Variants in MYO16 observed in about 807,000 individuals in gnomAD.
MYO16 encodes unconventional myosin-XVI.
A neutral mutation model predicts 205.3 loss-of-function variants in MYO16; 94 were observed. The observed-to-expected ratio is 0.46, with a 90% confidence interval of 0.39 to 0.54. The LOEUF (loss-of-function observed/expected upper bound fraction) is 0.54, where lower values mean the gene tolerates loss of function less well. Among genes scored for constraint, MYO16 ranks in the 20% least tolerant of loss-of-function variants. The probability of loss-of-function intolerance (pLI) is 0.00; values close to 1 mark genes in which losing one functional copy is unlikely to be tolerated. For synonymous variants in MYO16, 988 were observed against 954.0 expected (o/e 1.04, Z -0.66); for missense variants, 2,315 against 2,387.5 (o/e 0.97, Z 0.63).
At chr13:108,526,522 G>A in the MYO16 span, among the ~76,000 whole-genome samples, 130 of 152,196 alleles carry the variant, frequency 8.5e-4, no homozygotes, top group African/African-American at 3.0e-3. Flanking sequence ...GTTTAAGCGC[G>A]TTGAAATAGA....
At chr13:108,980,251 C>A (rs1216912896) in intron 20 of MYO16, among the ~76,000 whole-genome samples, 1 of 152,132 alleles carries the variant, frequency 6.6e-6, no homozygotes, top group Non-Finnish European at 1.5e-5. Context: ...TTTTGTTTTG[C>A]TAGCTCTTTC....
chr13:108,559,041 T>A, the MYO16 span, among the ~76,000 whole-genome samples: 2 of 151,996 alleles, frequency 1.3e-5, no homozygotes, highest in Non-Finnish European at 2.9e-5. Context: ...TGTAATGGGT[T>A]GAATTGTGTC....
At chr13:109,155,904 G>A (rs1877991898) in intron 32 of MYO16, among the ~76,000 whole-genome samples, 1 of 152,078 alleles carries the variant, frequency 6.6e-6, no homozygotes, top group African/African-American at 2.4e-5. Context: ...GTCTTTCTGA[G>A]AGGCAATAAC....
chr13:109,085,532 T>A (rs1172902229), intron 27 of MYO16, among the ~76,000 whole-genome samples: 2 of 152,150 alleles, frequency 1.3e-5, no homozygotes, highest in Non-Finnish European at 2.9e-5. Context: ...GAGGTCTCCT[T>A]GGGAGATCGA....
At chr13:108,923,362 TCA>T (rs1881834210) in intron 16 of MYO16, among the ~76,000 whole-genome samples, 1 of 152,232 alleles carries the variant, frequency 6.6e-6, no homozygotes, top group African/African-American at 2.4e-5. Context: ...GCAGTACAGC[TCA>T]GTCATTGCTT....
Position 108,953,539 on chromosome 13 carries a change from G to A in MYO16, c.1926-4149G>A, listed in dbSNP as rs7989070. 6.5e-3 allele frequency among the ~76,000 whole-genome samples: 973 copies of A among 149,868 alleles called. 8 individuals are homozygous for A. Among genetic ancestry groups the A allele is most frequent in the South Asian group, 0.017 (81 of 4,742 alleles). On this transcript the variant is annotated intron_variant, in intron 16 of 34. Transcript: ENST00000457511. ...TAATATATTTTTACTCTGTTTTACC[G>A]ATAATAAAGATTTAAATGTTTTGAG...
intron 15 of MYO16, among the ~76,000 whole-genome samples, chr13:108,899,589 C>T (rs1469829406): frequency 6.6e-6 from 1 of 152,186 alleles, no homozygotes; most frequent in African/African-American, 2.4e-5. Context: ...CATCGGAGAA[C>T]TGTCGTGAGC....
At chr13:108,701,257 T>C (rs1312272927) in intron 2 of MYO16, among the ~76,000 whole-genome samples, 1 of 152,118 alleles carries the variant, frequency 6.6e-6, no homozygotes, top group Non-Finnish European at 1.5e-5. Flanking sequence ...TCATCATGTT[T>C]AGTGCTATGT....
intron 7 of MYO16, among the ~76,000 whole-genome samples, chr13:108,807,724 T>C (rs1201040857): frequency 2.0e-5 from 3 of 152,190 alleles, no homozygotes; most frequent in Non-Finnish European, 2.9e-5. Context: ...CCAGTTCTTT[T>C]TGAGTTGCTT....
intron 32 of MYO16, among the ~76,000 whole-genome samples, chr13:109,157,005 C>T (rs1322979927): frequency 6.6e-6 from 1 of 152,128 alleles, no homozygotes; most frequent in Non-Finnish European, 1.5e-5. Flanking sequence ...TCAAAGTCAA[C>T]AAGTACAACC....
chr13:108,510,067 A>G, the MYO16 span, among the ~76,000 whole-genome samples: 1 of 152,210 alleles, frequency 6.6e-6, no homozygotes, highest in Admixed American at 6.5e-5. Flanking sequence ...ATGCTTGTGG[A>G]TTGCAGAAGG....
chr13:108,745,117 G>T (rs1230049893), intron 4 of MYO16, among the ~76,000 whole-genome samples: 6 of 152,192 alleles, frequency 3.9e-5, no homozygotes, highest in African/African-American at 1.4e-4. Flanking sequence ...AATCGGTGAT[G>T]TTTCTTGGAC....
intron 9 of MYO16, among the ~76,000 whole-genome samples, chr13:108,832,008 C>CAG (rs2139042912): frequency 6.6e-6 from 1 of 152,278 alleles, no homozygotes; most frequent in East Asian, 1.9e-4. Context: ...GCTGGTGCTA[C>CAG]AGCTGCTGTA....
chr13:109,013,398 G>C (rs1024376945), intron 22 of MYO16, among the ~76,000 whole-genome samples: 1 of 151,910 alleles, frequency 6.6e-6, no homozygotes, highest in African/African-American at 2.4e-5. Flanking sequence ...CCAAGTCTTT[G>C]TATTGTGAAT....
At chr13:109,089,844 C>G (rs1888562330) in intron 27 of MYO16, among the ~76,000 whole-genome samples, 1 of 152,204 alleles carries the variant, frequency 6.6e-6, no homozygotes, top group South Asian at 2.1e-4. Flanking sequence ...GTCCCTCCCT[C>G]CCTTCTGTTT....
chr13:108,975,224 T>A (rs759387051), intron 20 of MYO16, among the ~76,000 whole-genome samples: 2 of 151,768 alleles, frequency 1.3e-5, no homozygotes, highest in Admixed American at 1.3e-4. Context: ...ACTATTGCGG[T>A]CTTCAGGGTT....
the MYO16 span, among the ~76,000 whole-genome samples, chr13:108,523,743 T>A: frequency 6.6e-6 from 1 of 152,206 alleles, no homozygotes; most frequent in African/African-American, 2.4e-5. Context: ...AGTGTGCGTG[T>A]CTTATTTCTG....
the MYO16 span, among the ~76,000 whole-genome samples, chr13:108,548,833 A>G: frequency 6.6e-6 from 1 of 152,204 alleles, no homozygotes; most frequent in Admixed American, 6.5e-5. Context: ...AACTAGCCTT[A>G]CTAGTAAGAA....
chr13:108,647,997 G>T, intron 1 of MYO16, among the ~76,000 whole-genome samples: 1 of 152,190 alleles, frequency 6.6e-6, no homozygotes, highest in East Asian at 1.9e-4. Context: ...CCAAAACAGA[G>T]ATGGCCCCTG....
Sources: gnomAD v4.1 joint callset for allele counts (sites outside exome capture counted in the v4.1 genomes callset) on GRCh38, gnomAD v4.1.1 for gene constraint, MANE v1.5 for transcripts, NCBI Gene and HGNC (gene_info 2026-07-23, HGNC 2026-07-21) for gene names.